FMN2: variants seen among roughly 807,000 people sequenced by gnomAD.
The protein encoded by FMN2 is formin-2.
In FMN2, 51 loss-of-function variants were observed where a neutral mutation model predicts 142.3. The ratio of observed to expected loss-of-function variants is 0.36; its 90% CI spans 0.29 to 0.45. The LOEUF (loss-of-function observed/expected upper bound fraction) is 0.45. FMN2 is among the 20% of genes least tolerant of loss of function. FMN2 has a pLI of 1.00. For missense variants in FMN2, 1,936 were observed against 2,122.8 expected, an observed-to-expected ratio of 0.91 and a Z score of 1.73; for synonymous variants, 882 against 869.8, an observed-to-expected ratio of 1.01 and a Z score of -0.25.
chr1:240,447,640 A>T (rs1410570024), intron 16 of FMN2, among the ~76,000 whole-genome samples: 1 of 152,250 alleles, frequency 6.6e-6, no homozygotes, highest in East Asian at 1.9e-4. Context: ...AACTGCAATT[A>T]CTTTTGCACC....
rs184039373 is a variant in FMN2 at position 240,364,707 on chromosome 1, A to G, written c.4858+8799A>G. 1.6e-3 allele frequency among the ~76,000 whole-genome samples: 250 copies of G among 152,280 alleles called. 2 individuals carry two copies. The highest frequency in any genetic ancestry group is 5.8e-3 in the African/African-American group (243 of 41,568). Reference sequence around the variant, plus strand: ...GGAGTCCCTAACCACCGCCTCCTGCATATTTCCAGTCGGATGCTCCCACTG... The same window carrying G: ...GGAGTCCCTAACCACCGCCTCCTGCGTATTTCCAGTCGGATGCTCCCACTG... On this transcript the variant is annotated intron_variant, in intron 14 of 17. Transcript: ENST00000319653.
At chr1:240,380,039 G>C (rs1371583670) in intron 14 of FMN2, among the ~76,000 whole-genome samples, 1 of 151,804 alleles carries the variant, frequency 6.6e-6, no homozygotes, top group Non-Finnish European at 1.5e-5. Flanking sequence ...AGTAATTTGG[G>C]GACACTTCAA....
chr1:240,369,779 C>G (rs1272985855), intron 14 of FMN2, among the ~76,000 whole-genome samples: 1 of 152,082 alleles, frequency 6.6e-6, no homozygotes, highest in Non-Finnish European at 1.5e-5. Flanking sequence ...TTATGTTTTT[C>G]TGTTTCTCCA....
intron 8 of FMN2, among the ~76,000 whole-genome samples, chr1:240,328,168 A>AAAAAAAAAAAAAAG (rs1553363688): frequency 7.4e-6 from 1 of 135,804 alleles, no homozygotes; most frequent in East Asian, 2.2e-4. Flanking sequence ...AAAAAAAAAA[A>AAAAAAAAAAAAAAG]AAAAGAAAAA....
chr1:240,419,035 G>A (rs868506994), intron 15 of FMN2, among the ~76,000 whole-genome samples: 17 of 152,344 alleles, frequency 1.1e-4, no homozygotes, highest in East Asian at 5.8e-4. Flanking sequence ...TTGATCCCGC[G>A]AGGCGGAGGT....
intron 2 of FMN2, among the ~76,000 whole-genome samples, chr1:240,152,897 A>G (rs2103275341): frequency 6.6e-6 from 1 of 152,324 alleles, no homozygotes; most frequent in East Asian, 1.9e-4. Flanking sequence ...AAAATCCACT[A>G]AACTTTCCAG....
chr1:240,189,396 C>T (rs557788465), intron 4 of FMN2, among the ~76,000 whole-genome samples: 7 of 152,254 alleles, frequency 4.6e-5, no homozygotes, highest in South Asian at 4.1e-4. Flanking sequence ...GTTTTACACC[C>T]GGATCTATTT....
chr1:240,363,404 T>G (rs1354733007), intron 14 of FMN2, among the ~76,000 whole-genome samples: 1 of 152,204 alleles, frequency 6.6e-6, no homozygotes, highest in Non-Finnish European at 1.5e-5. Flanking sequence ...TGGTGTGATT[T>G]TCTGTAGATT....
At chr1:240,259,653 A>G (rs1668564856) in intron 7 of FMN2, among the ~76,000 whole-genome samples, 1 of 152,126 alleles carries the variant, frequency 6.6e-6, no homozygotes, top group African/African-American at 2.4e-5. Flanking sequence ...TTCTCTCAGG[A>G]TATGCCTCCA....
intron 15 of FMN2, among the ~76,000 whole-genome samples, chr1:240,433,293 A>G (rs1412152254): frequency 6.6e-6 from 1 of 152,162 alleles, no homozygotes; most frequent in Non-Finnish European, 1.5e-5. Context: ...GTTTTTACGT[A>G]GCTTTTTCCA....
At chr1:240,277,494 C>G (rs1016563510) in intron 7 of FMN2, among the ~76,000 whole-genome samples, 1 of 141,170 alleles carries the variant, frequency 7.1e-6, no homozygotes, top group Admixed American at 7.1e-5. Context: ...AAGATTATGC[C>G]TTACCCAACT....
intron 4 of FMN2, among the ~76,000 whole-genome samples, chr1:240,188,670 G>C (rs1350863502): frequency 2.0e-5 from 3 of 152,176 alleles, no homozygotes; most frequent in East Asian, 1.9e-4. Flanking sequence ...TATTACTTTG[G>C]TGGATGAAAC....
chr1:240,308,009 T>C (rs998822253), intron 8 of FMN2, among the ~76,000 whole-genome samples: 2 of 96,802 alleles, frequency 2.1e-5, no homozygotes, highest in African/African-American at 2.4e-4. Context: ...TTAGGTACAT[T>C]ATAGTTTTTA....
intron 6 of FMN2, among the ~76,000 whole-genome samples, chr1:240,221,672 C>T (rs2103423692): frequency 6.6e-6 from 1 of 152,094 alleles, no homozygotes; most frequent in African/African-American, 2.4e-5. Context: ...AATTTTCTCC[C>T]ATTCTGTCGG....
chr1:240,205,026 C>G (rs1666276981), intron 4 of FMN2, among the ~76,000 whole-genome samples: 1 of 152,276 alleles, frequency 6.6e-6, no homozygotes, highest in African/African-American at 2.4e-5. Flanking sequence ...TTAATATTAT[C>G]TTTATATTAC....
intron 2 of FMN2, among the ~76,000 whole-genome samples, chr1:240,134,092 G>A (rs750644056): frequency 5.3e-5 from 8 of 152,200 alleles, no homozygotes; most frequent in Admixed American, 4.6e-4. Context: ...TAGGCATTTA[G>A]CACAATGTCT....
At chr1:240,278,784 T>C (rs1042566750) in intron 7 of FMN2, among the ~76,000 whole-genome samples, 1 of 152,012 alleles carries the variant, frequency 6.6e-6, no homozygotes, top group African/African-American at 2.4e-5. Context: ...TATGTATAAG[T>C]TGTGAAATTT....
rs936679227 is a variant in FMN2, at chr1:240,473,877, A to G, written c.5143-251A>G. Among the ~76,000 whole-genome samples, 5 of 152,274 alleles carry G rather than the reference A, an allele frequency of 3.3e-5. No homozygotes were observed. Among genetic ancestry groups the G allele is most frequent in the Admixed American group, 1.3e-4 (2 of 15,282 alleles). ...AGAATGGAGAGTTTGACACCCTCTC[A>G]TATTGGTTAGAAGTTAAATTTTTAA... On this transcript the variant is annotated intron_variant, in intron 17 of 17. Coordinates refer to ENST00000319653, the MANE Select transcript of FMN2 (RefSeq NM_020066.5). This position sits in a 1 kb window ranked among gnomAD's most constrained non-coding sequence, Gnocchi z 4.3.
At chr1:240,189,742 C>A (rs1665628779) in intron 4 of FMN2, among the ~76,000 whole-genome samples, 1 of 152,146 alleles carries the variant, frequency 6.6e-6, no homozygotes, top group South Asian at 2.1e-4. Context: ...GTGGGCTCAA[C>A]TGATGGTTCC....
Sources: allele counts gnomAD v4.1 joint callset (sites outside exome capture counted in the v4.1 genomes callset), GRCh38; gene constraint gnomAD v4.1.1; non-coding constraint Gnocchi (gnomAD v3.1); transcripts MANE v1.5; gene names NCBI Gene and HGNC (gene_info 2026-07-23, HGNC 2026-07-21).